The following SYNE2 variants were observed in gnomAD, a reference collection of about 807,000 sequenced individuals.
SYNE2 encodes the protein nesprin-2.
A neutral mutation model predicts 856.3 loss-of-function variants in SYNE2; 431 were observed. That is an observed-to-expected ratio of 0.50 (90% confidence interval 0.47 to 0.55). The LOEUF (loss-of-function observed/expected upper bound fraction) is 0.55, where lower values mean the gene tolerates loss of function less well. SYNE2 is among the 20% of genes least tolerant of loss of function. The pLI is 0.00. For missense variants in SYNE2, 8,129 were observed against 8,023.2 expected (o/e 1.01, Z -0.50); for synonymous variants, 2,923 against 2,872.3 (o/e 1.02, Z -0.56).
In SYNE2 at chr14:64,026,641, G is replaced by A. The variant is rs931196719; in HGVS notation, c.6315G>A (p.Glu2105=). ...ARIETIMKQA[E]SSEAPLVQKT... ...TAGAGACCATCATGAAGCAGGCTGA[G>A]AGCAGCGAGGCCCCGCTGGTTCAGA... The change falls in exon 42 of 116, where the codon GAG becomes GAA. Residue 2105 remains glutamate (E), a synonymous_variant. Coordinates refer to ENST00000555002, the MANE Select transcript of SYNE2 (RefSeq NM_182914.3). 3.7e-6 allele frequency: 6 copies of A among 1,613,698 alleles called. No homozygotes were observed. In the Admixed American group the frequency reaches 1.0e-4, roughly 27 times the overall value.
intron 18 of SYNE2, among the ~76,000 whole-genome samples, chr14:63,985,555 CAT>C (rs753044362): frequency 9.9e-5 from 15 of 152,132 alleles, no homozygotes; most frequent in Admixed American, 1.3e-4. Context: ...GTTTAAATCG[CAT>C]ATGAGTTTTA....
chr14:64,030,190 G>T, intron 44 of SYNE2, 131 bp downstream of exon 44: 1 of 891,486 alleles, frequency 1.1e-6, no homozygotes, highest in Non-Finnish European at 1.8e-6. Context: ...TTAAAGCTCT[G>T]ACCAGTCATA....
At chr14:64,167,410 G>T (rs376230927) in intron 91 of SYNE2, 23 bp downstream of exon 91, 8 of 1,614,190 alleles carry the variant, frequency 5.0e-6, no homozygotes, top group Non-Finnish European at 6.8e-6. Context: ...CTTCTCTGTC[G>T]TTGTTTCAAT....
intron 99 of SYNE2, among the ~76,000 whole-genome samples, chr14:64,193,052 C>A (rs886553042): frequency 6.6e-6 from 1 of 152,232 alleles, no homozygotes; most frequent in Non-Finnish European, 1.5e-5. Flanking sequence ...ATGCTGACTT[C>A]ACCCTGGGCC....
intron 41 of SYNE2, 106 bp downstream of exon 41, chr14:64,025,527 T>C (rs1298643978): frequency 8.9e-7 from 1 of 1,127,348 alleles, no homozygotes; most frequent in Non-Finnish European, 1.3e-6. Context: ...ATCAGATCAC[T>C]GTGGAATGGT....
intron 1 of SYNE2, among the ~76,000 whole-genome samples, chr14:63,813,006 A>G (rs1190185551): frequency 6.6e-6 from 1 of 152,226 alleles, no homozygotes; most frequent in Non-Finnish European, 1.5e-5. Flanking sequence ...AGGAAACTGC[A>G]GATACTTTGG....
intron 1 of SYNE2, among the ~76,000 whole-genome samples, chr14:63,833,129 A>G (rs1459168007): frequency 6.6e-6 from 1 of 151,728 alleles, no homozygotes; most frequent in Admixed American, 6.6e-5. Context: ...AGATCCCTGG[A>G]TCCCAGGATT....
At chr14:63,908,622 A>C (rs1001379397) in intron 1 of SYNE2, among the ~76,000 whole-genome samples, 2 of 152,222 alleles carry the variant, frequency 1.3e-5, no homozygotes, top group Admixed American at 6.5e-5. Context: ...TTCACTTTGC[A>C]AGCTATGCAG....
At chr14:64,141,251 GTTTA>G (rs1179873794) in intron 80 of SYNE2, 86 bp from the exon 81 acceptor site, 1 of 1,024,998 alleles carries the variant, frequency 9.8e-7, no homozygotes, top group Non-Finnish European at 1.5e-6. Flanking sequence ...TATTTACTAT[GTTTA>G]TTTGTTGACT....
intron 99 of SYNE2, chr14:64,196,797 CTGTG>C (rs916769746): frequency 3.3e-5 from 5 of 152,192 alleles, no homozygotes; most frequent in African/African-American, 9.7e-5. Flanking sequence ...AGAACAAAGA[CTGTG>C]TGTGTGAGGA....
intron 7 of SYNE2, among the ~76,000 whole-genome samples, chr14:63,952,428 A>G (rs2096177103): frequency 6.6e-6 from 1 of 152,228 alleles, no homozygotes; most frequent in South Asian, 2.1e-4. Context: ...TACTTTTGCC[A>G]TTGCATTACA....
chr14:64,126,805 C>A lies in SYNE2; in HGVS notation c.13915C>A (p.Gln4639Lys). The change falls in exon 73 of 116, where the codon CAG (glutamine) becomes AAG (lysine). Residue 4639 changes from glutamine to lysine, a missense_variant and splice_region_variant. Transcript: ENST00000555002. ...KAGLDYNRSY[Q>K]NEIKRLYHQL... ...TGGCCTCGATTACAACCGCAGTTAC[C>A]AGGTATGATTCCGAGCACACAGCCT... 6.2e-7 allele frequency: 1 copy of A among 1,610,578 alleles called. No homozygotes were observed. The highest frequency in any genetic ancestry group is 8.5e-7 in the Non-Finnish European group (1 of 1,179,996).
rs762738703 is a variant in SYNE2, at chr14:64,107,483, C to A, written c.12493-8C>A. On this transcript the variant is annotated splice_polypyrimidine_tract_variant and splice_region_variant and intron_variant, in intron 64 of 115. Transcript: ENST00000555002. Reference sequence around the variant, plus strand: ...CCCTTTCTGGAGCTCTGATTCTTTTCTTTACAGGAAGCATATGGGAAAATA... The same window carrying A: ...CCCTTTCTGGAGCTCTGATTCTTTTATTTACAGGAAGCATATGGGAAAATA... 1 of 1,611,428 alleles carries A rather than the reference C, an allele frequency of 6.2e-7. No homozygotes were observed. Among genetic ancestry groups the A allele is most frequent in the Non-Finnish European group, 8.5e-7 (1 of 1,177,722 alleles).
At chr14:64,187,470 TTAC>T (rs538961132) in intron 97 of SYNE2, among the ~76,000 whole-genome samples, 370 of 152,340 alleles carry the variant, frequency 2.4e-3, no homozygotes, top group African/African-American at 8.3e-3. Context: ...TTCCTAATTG[TTAC>T]TATTATGAAA....
chr14:63,926,004 G>A (rs999249915), intron 2 of SYNE2, among the ~76,000 whole-genome samples: 1 of 151,892 alleles, frequency 6.6e-6, no homozygotes, highest in African/African-American at 2.4e-5. Flanking sequence ...ATGACACCTG[G>A]CTAATTTTTC....
intron 1 of SYNE2, among the ~76,000 whole-genome samples, chr14:63,892,033 A>G (rs558231839): frequency 1.3e-5 from 2 of 152,292 alleles, no homozygotes; most frequent in African/African-American, 4.8e-5. Flanking sequence ...AACAGCTAAC[A>G]TATTTTTGGC....
At chr14:64,135,333 T>C (rs1296043043) in intron 78 of SYNE2, among the ~76,000 whole-genome samples, 8 of 152,208 alleles carry the variant, frequency 5.3e-5, no homozygotes, top group Non-Finnish European at 1.2e-4. Context: ...CAGGGTTCTC[T>C]TTTCCATGGA....
At chr14:64,029,331 A>C (rs2153543126) in intron 43 of SYNE2, among the ~76,000 whole-genome samples, 1 of 152,294 alleles carries the variant, frequency 6.6e-6, no homozygotes, top group South Asian at 2.1e-4. Flanking sequence ...AAATTGTTTA[A>C]TTTAGTAGTT....
intron 1 of SYNE2, among the ~76,000 whole-genome samples, chr14:63,886,046 A>G (rs1408348748): frequency 1.3e-5 from 2 of 152,174 alleles, no homozygotes; most frequent in Non-Finnish European, 2.9e-5. Context: ...GTTTTATAGT[A>G]GAATGATTGA....
Sources: allele counts gnomAD v4.1 joint callset (sites outside exome capture counted in the v4.1 genomes callset), GRCh38; gene constraint gnomAD v4.1.1; transcripts MANE v1.5; gene names NCBI Gene and HGNC (gene_info 2026-07-23, HGNC 2026-07-21).